PRSS23: variants seen among roughly 807,000 people sequenced by gnomAD.
The protein encoded by PRSS23 is protease, serine 23.
In PRSS23, 25 loss-of-function variants were observed where a neutral mutation model predicts 34.7. The ratio of observed to expected loss-of-function variants is 0.72; its 90% CI spans 0.53 to 1.01. PRSS23 has a LOEUF of 1.01. Ranked by LOEUF, PRSS23 falls within the 50% of genes least tolerant of loss-of-function variation. The probability of loss-of-function intolerance (pLI) is 0.00; values close to 1 mark genes in which losing one functional copy is unlikely to be tolerated. For synonymous variants in PRSS23, 176 were observed against 186.6 expected, an observed-to-expected ratio of 0.94 and a Z score of 0.46; for missense variants, 445 against 475.6, an observed-to-expected ratio of 0.94 and a Z score of 0.60.
intron 2 of PRSS23, among the ~76,000 whole-genome samples, chr11:86,824,023 AAAAAAAAAG>A (rs1330655722): frequency 4.0e-5 from 6 of 150,334 alleles, no homozygotes; most frequent in African/African-American, 1.5e-4. Context: ...AAAAAAAAAA[AAAAAAAAAG>A]AATTCAGAGC....
intron 2 of PRSS23, chr11:86,921,920 C>T (rs1279047282): frequency 6.6e-6 from 1 of 152,240 alleles, no homozygotes; most frequent in Non-Finnish European, 1.5e-5. Context: ...ACAGGCAGCA[C>T]ATTTTGTTCA....
intron 2 of PRSS23, among the ~76,000 whole-genome samples, chr11:86,919,998 A>G (rs17820469): frequency 0.035 from 5,280 of 152,258 alleles, 117 homozygotes; most frequent in South Asian, 0.088. Context: ...TCAAACTACA[A>G]GTAGACTGCA....
At chr11:86,799,770 G>A (rs1948007595), upstream of PRSS23, among the ~76,000 whole-genome samples, 1 of 151,932 alleles carries the variant, frequency 6.6e-6, no homozygotes, top group Non-Finnish European at 1.5e-5. Flanking sequence ...TGGACAAGGA[G>A]GTGGCTCCAC....
At chr11:86,893,029 G>C (rs1948851728) in intron 2 of PRSS23, among the ~76,000 whole-genome samples, 1 of 152,214 alleles carries the variant, frequency 6.6e-6, no homozygotes, top group Non-Finnish European at 1.5e-5. Flanking sequence ...CAATGGGTTA[G>C]AGTGGGGCCT....
At chr11:86,905,877 G>A (rs554657000) in intron 2 of PRSS23, among the ~76,000 whole-genome samples, 3 of 152,240 alleles carry the variant, frequency 2.0e-5, no homozygotes, top group Admixed American at 6.5e-5. Flanking sequence ...CCAACACAAC[G>A]GTGAAAATTC....
At chr11:86,880,542 G>A (rs1226303958) in intron 2 of PRSS23, among the ~76,000 whole-genome samples, 2 of 151,998 alleles carry the variant, frequency 1.3e-5, no homozygotes, top group Non-Finnish European at 2.9e-5. Flanking sequence ...GTGCAGGTTT[G>A]TTACATAGGT....
At position 86,808,614 on chromosome 11, in the gene PRSS23, T is replaced by C. The variant is rs1233279908; in HGVS notation, c.971T>C (p.Met324Thr). The change falls in exon 2 of 2, where the codon ATG becomes ACG. Residue 324 changes from methionine to threonine, a missense_variant. Coordinates refer to ENST00000280258, the MANE Select transcript of PRSS23 (RefSeq NM_007173.6). ...AGCGGGTCTGGGGTCTATGTGAGGA[T>C]GTGGAAGAGACAGCAGCAGAAGTGG... ...GASGSGVYVR[M>T]WKRQQQKWER... 6.2e-7 allele frequency: 1 copy of C among 1,614,128 alleles called. No individual in the cohort carries two copies.
chr11:86,878,517 G>A (rs946534081), intron 2 of PRSS23, among the ~76,000 whole-genome samples: 2 of 152,136 alleles, frequency 1.3e-5, no homozygotes, highest in African/African-American at 2.4e-5. Context: ...CGCCAGCCTC[G>A]GCCTCCTGAG....
intron 2 of PRSS23, among the ~76,000 whole-genome samples, chr11:86,885,226 A>T (rs553690308): frequency 1.3e-5 from 2 of 152,330 alleles, no homozygotes; most frequent in East Asian, 3.9e-4. Context: ...TGATTTAACT[A>T]TATCATCCCA....
At chr11:86,933,135 A>T (rs1449255853) in intron 2 of PRSS23, 1 of 152,378 alleles carries the variant, frequency 6.6e-6, no homozygotes, top group African/African-American at 2.4e-5. Context: ...TTTCAAAAGC[A>T]GGCTGGCGGG....
At chr11:86,873,548 G>A (rs545583287) in intron 2 of PRSS23, among the ~76,000 whole-genome samples, 1 of 152,068 alleles carries the variant, frequency 6.6e-6, no homozygotes, top group South Asian at 2.1e-4. Context: ...CTCCCAAAGT[G>A]TTGGGATTGT....
intron 2 of PRSS23, chr11:86,892,157 G>A (rs1321582953): frequency 6.6e-6 from 1 of 152,222 alleles, no homozygotes; most frequent in African/African-American, 2.4e-5. Context: ...TGGGACAGGA[G>A]CTTCCTTGTT....
At position 86,837,898 on chromosome 11, in the gene PRSS23, A is replaced by T. The variant is rs540715091; in HGVS notation, c.206+14305A>T. Among the ~76,000 whole-genome samples, 9 of 152,258 alleles carry T rather than the reference A, an allele frequency of 5.9e-5. No homozygotes were observed. The South Asian group carries it at 1.7e-3, about 28-fold the overall frequency. On this transcript the variant is annotated intron_variant, in intron 2 of 2. Coordinates refer to the PRSS23 transcript ENST00000533902. The stretch of plus-strand genomic sequence containing the variant: ...AAGATGGGTGATTTCTGCATTTCCA[A>T]CTGAGGTACCTGGTTCTTCTCATTG...
downstream of PRSS23, among the ~76,000 whole-genome samples, chr11:86,814,555 T>C (rs925747751): frequency 1.3e-5 from 2 of 152,146 alleles, no homozygotes; most frequent in East Asian, 3.9e-4. Flanking sequence ...CCTCTGGCTA[T>C]GGTGGGAAAG....
At chr11:86,857,620 G>C in intron 2 of PRSS23, 1 of 520,532 alleles carries the variant, frequency 1.9e-6, no homozygotes, top group Non-Finnish European at 3.9e-6. Flanking sequence ...GGTAGTGCAG[G>C]GGGTGACAGA....
At chr11:86,837,944 G>T (rs1357460021) in intron 2 of PRSS23, among the ~76,000 whole-genome samples, 1 of 152,122 alleles carries the variant, frequency 6.6e-6, no homozygotes, top group Admixed American at 6.5e-5. Flanking sequence ...GACAGTGGGT[G>T]AAGTGCACAG....
At chr11:86,914,457 A>C (rs1222385148) in intron 2 of PRSS23, among the ~76,000 whole-genome samples, 1 of 152,236 alleles carries the variant, frequency 6.6e-6, no homozygotes, top group Admixed American at 6.5e-5. Flanking sequence ...ATCCTATGTC[A>C]TAGATGCCTT....
At chr11:86,941,146 TC>T (rs1466325747) in intron 2 of PRSS23, 1 of 152,156 alleles carries the variant, frequency 6.6e-6, no homozygotes, top group South Asian at 2.1e-4. Context: ...TCTTCTTCCC[TC>T]CACCTTCCCT....
chr11:86,910,807 A>G lies in PRSS23; in HGVS notation c.207-40409A>G, dbSNP rs1369404996. The G allele has an allele frequency of 5.9e-5, 9 of 152,102 alleles. No homozygotes were observed. In the East Asian group the frequency reaches 1.7e-3, roughly 29 times the overall value. 9.4% of individuals were successfully genotyped at this position (152,102 alleles called of 1,614,324 possible). A position where few individuals can be genotyped will look rare whatever the true frequency, so the allele number is the denominator to read the frequency against. ...GTTCTCCCACTTTAATAGATGATAC[A>G]TTTGTTTGTTTTCCCATTATGTGAC... On this transcript the variant is annotated intron_variant, in intron 2 of 2. Coordinates refer to the PRSS23 transcript ENST00000533902.
Sources: gnomAD v4.1 joint callset for allele counts (sites outside exome capture counted in the v4.1 genomes callset) on GRCh38, gnomAD v4.1.1 for gene constraint, MANE v1.5 for transcripts, NCBI Gene and HGNC (gene_info 2026-07-23, HGNC 2026-07-21) for gene names.